DNAJC6: variants seen among roughly 807,000 people sequenced by gnomAD.
DNAJC6 encodes auxilin.
A neutral mutation model predicts 110.0 loss-of-function variants in DNAJC6; 34 were observed. That is an observed-to-expected ratio of 0.31 (90% CI 0.24 to 0.41). DNAJC6 has a LOEUF of 0.41. Ranked by LOEUF, DNAJC6 falls within the 10% of genes least tolerant of loss-of-function variation. The probability of loss-of-function intolerance (pLI) is 1.00; values close to 1 mark genes in which losing one functional copy is unlikely to be tolerated. For synonymous variants in DNAJC6, 406 were observed against 437.2 expected, an observed-to-expected ratio of 0.93 and a Z score of 0.89; for missense variants, 1,031 against 1,207.8, an observed-to-expected ratio of 0.85 and a Z score of 2.17.
At chr1:65,267,040 G>A (rs745709389) in intron 1 of DNAJC6, among the ~76,000 whole-genome samples, 11 of 152,156 alleles carry the variant, frequency 7.2e-5, no homozygotes, top group Non-Finnish European at 1.5e-4. Flanking sequence ...GGGATTACAG[G>A]CCCATGCCAC....
intron 1 of DNAJC6, among the ~76,000 whole-genome samples, chr1:65,335,356 C>T (rs1222612563): frequency 5.3e-5 from 8 of 151,604 alleles, no homozygotes; most frequent in South Asian, 4.2e-4. Context: ...CTTTGTGATC[C>T]GCCTGCCTTG....
Position 65,413,192 on chromosome 1 carries a change from G to T in DNAJC6, c.*167G>T. The T allele has an allele frequency of 3.4e-6, 2 of 580,750 alleles. No homozygotes were observed. Among genetic ancestry groups the T allele is most frequent in the East Asian group, 3.2e-5 (1 of 31,542 alleles). 36.0% of individuals were successfully genotyped at this position (580,750 alleles called of 1,614,324 possible). ...TCATTGATAAGGAATGTGGATGTTT[G>T]GTTTCTCCAAAGTTCCCACCATAAA... On this transcript the variant is annotated 3_prime_UTR_variant, in exon 19 of 19. Coordinates refer to ENST00000371069, the MANE Select transcript of DNAJC6 (RefSeq NM_001256864.2).
At chr1:65,361,149 G>T (rs914758716) in intron 1 of DNAJC6, among the ~76,000 whole-genome samples, 2 of 152,124 alleles carry the variant, frequency 1.3e-5, no homozygotes, top group Non-Finnish European at 2.9e-5. Flanking sequence ...AGCTTCCATT[G>T]CTTCATCTGT....
At chr1:65,313,114 G>T (rs1010114031) in intron 1 of DNAJC6, among the ~76,000 whole-genome samples, 13 of 152,008 alleles carry the variant, frequency 8.6e-5, no homozygotes, top group Admixed American at 8.5e-4. Flanking sequence ...GTGCAGTGGT[G>T]TGATCATGGC....
At chr1:65,410,362 T>G (rs374769175) in intron 17 of DNAJC6, among the ~76,000 whole-genome samples, 12 of 152,360 alleles carry the variant, frequency 7.9e-5, no homozygotes, top group African/African-American at 2.9e-4. Context: ...TTGCATGTTT[T>G]TCACTCCACC....
chr1:65,408,525 G>T (rs777725235), intron 16 of DNAJC6, 116 bp from the exon 17 acceptor site: 5 of 1,160,442 alleles, frequency 4.3e-6, no homozygotes, highest in Non-Finnish European at 6.2e-6. Flanking sequence ...AAGCATGAGG[G>T]TTAAGGACTG....
chr1:65,309,521 C>G, upstream of DNAJC6: 1 of 1,163,440 alleles, frequency 8.6e-7, no homozygotes, highest in Non-Finnish European at 1.1e-6. Context: ...CTCCTTCCCT[C>G]CCTCCCTCCT....
At chr1:65,396,590 G>A (rs1379552232) in intron 13 of DNAJC6, among the ~76,000 whole-genome samples, 1 of 152,106 alleles carries the variant, frequency 6.6e-6, no homozygotes, top group Non-Finnish European at 1.5e-5. Context: ...CACCTTCTCA[G>A]TGGAGTCTAC....
At chr1:65,283,457 C>T (rs1653915700) in intron 1 of DNAJC6, among the ~76,000 whole-genome samples, 1 of 152,136 alleles carries the variant, frequency 6.6e-6, no homozygotes, top group Non-Finnish European at 1.5e-5. Flanking sequence ...GCATCCAAGT[C>T]GTTGGATGTA....
intron 4 of DNAJC6, among the ~76,000 whole-genome samples, chr1:65,370,145 A>C (rs1006972815): frequency 6.6e-6 from 1 of 152,184 alleles, no homozygotes; most frequent in African/African-American, 2.4e-5. Context: ...AACAAGATGC[A>C]TCAGTTAAAC....
intron 5 of DNAJC6, among the ~76,000 whole-genome samples, chr1:65,383,145 T>G (rs1021733245): frequency 7.2e-5 from 11 of 152,196 alleles, no homozygotes; most frequent in African/African-American, 2.7e-4. Flanking sequence ...GTAATCTCCC[T>G]GTCACTTAAA....
intron 4 of DNAJC6, 112 bp downstream of exon 4, chr1:65,366,308 C>T (rs1457524788): frequency 2.7e-6 from 3 of 1,108,320 alleles, no homozygotes; most frequent in African/African-American, 1.6e-5. Context: ...AAAAACTATA[C>T]ACTCTGGACA....
At chr1:65,317,643 G>T (rs1252169118) in intron 1 of DNAJC6, among the ~76,000 whole-genome samples, 1 of 152,194 alleles carries the variant, frequency 6.6e-6, no homozygotes, top group Non-Finnish European at 1.5e-5. Flanking sequence ...GAAAATTACT[G>T]TTGTTGTATT....
intron 1 of DNAJC6, among the ~76,000 whole-genome samples, chr1:65,357,741 C>A (rs1260326649): frequency 5.3e-5 from 8 of 152,300 alleles, no homozygotes; most frequent in African/African-American, 1.7e-4. Flanking sequence ...TCTCCCAGGC[C>A]AGCTGAGAAA....
intron 4 of DNAJC6, among the ~76,000 whole-genome samples, chr1:65,374,786 A>G (rs566393797): frequency 1.3e-5 from 2 of 152,012 alleles, no homozygotes; most frequent in East Asian, 1.9e-4. Flanking sequence ...TTTTTTGCCT[A>G]ATTGCTCTGG....
chr1:65,341,430 G>C (rs1645388451), intron 1 of DNAJC6, among the ~76,000 whole-genome samples: 2 of 152,154 alleles, frequency 1.3e-5, no homozygotes, highest in Non-Finnish European at 2.9e-5. Context: ...TTCAGCACCT[G>C]TGAGCTCTGA....
At chr1:65,355,945 T>C (rs1645539487) in intron 1 of DNAJC6, among the ~76,000 whole-genome samples, 1 of 151,270 alleles carries the variant, frequency 6.6e-6, no homozygotes, top group Non-Finnish European at 1.5e-5. Flanking sequence ...GCAGCATTTT[T>C]TTGTGGCTTT....
upstream of DNAJC6, among the ~76,000 whole-genome samples, chr1:65,307,752 G>A (rs1260942391): frequency 2.0e-5 from 3 of 152,174 alleles, no homozygotes; most frequent in Non-Finnish European, 4.4e-5. Context: ...TATTACTTTA[G>A]TCAAGTAACT....
chr1:65,408,587 C>T (rs1557567968), intron 16 of DNAJC6, 54 bp from the exon 17 acceptor site: 9 of 1,569,856 alleles, frequency 5.7e-6, no homozygotes, highest in Non-Finnish European at 7.8e-6. Flanking sequence ...GATAATGATA[C>T]AGCATTATGT....
Sources: allele counts gnomAD v4.1 joint callset (sites outside exome capture counted in the v4.1 genomes callset), GRCh38; gene constraint gnomAD v4.1.1; transcripts MANE v1.5; gene names NCBI Gene and HGNC (gene_info 2026-07-23, HGNC 2026-07-21).